The following ZNF438 variants were observed in gnomAD, a reference collection of about 807,000 sequenced individuals.
ZNF438 encodes the protein zinc finger protein 438.
ZNF438 carries 25 observed loss-of-function variants against 38.0 expected under a neutral mutation model. The observed-to-expected ratio is 0.66, with a 90% CI of 0.48 to 0.92. ZNF438 has a LOEUF of 0.92. Ranked by LOEUF, ZNF438 falls within the 40% of genes least tolerant of loss-of-function variation. ZNF438 has a pLI of 0.00. For missense variants in ZNF438, 1,007 were observed against 999.6 expected (o/e 1.01, Z -0.10); for synonymous variants, 372 against 364.1 (o/e 1.02, Z -0.25).
At chr10:30,975,639 T>C (rs889526572) in intron 1 of ZNF438, among the ~76,000 whole-genome samples, 2 of 152,182 alleles carry the variant, frequency 1.3e-5, no homozygotes, top group African/African-American at 4.8e-5. Flanking sequence ...TATTTCTACT[T>C]CTTTTCTCCT....
At chr10:30,953,211 A>G (rs970697801) in intron 1 of ZNF438, among the ~76,000 whole-genome samples, 1 of 148,284 alleles carries the variant, frequency 6.7e-6, no homozygotes, top group African/African-American at 2.5e-5. Flanking sequence ...ATGAGATCAC[A>G]TGGACACAGG....
At chr10:30,920,391 T>A (rs2044158627) in intron 2 of ZNF438, 1 of 152,206 alleles carries the variant, frequency 6.6e-6, no homozygotes, top group South Asian at 2.1e-4. Flanking sequence ...ATGAAATACC[T>A]TTGAGGTCTT....
chr10:30,966,107 G>T (rs1469739623), intron 1 of ZNF438, among the ~76,000 whole-genome samples: 1 of 152,090 alleles, frequency 6.6e-6, no homozygotes, highest in African/African-American at 2.4e-5. Context: ...CAAGGTGGGA[G>T]GATCACTTGA....
chr10:30,946,961 C>A (rs764381822), intron 1 of ZNF438, among the ~76,000 whole-genome samples: 2 of 152,150 alleles, frequency 1.3e-5, no homozygotes, highest in African/African-American at 4.8e-5. Flanking sequence ...AAATATTATA[C>A]CACGTCACAT....
At chr10:31,014,262 T>G (rs910811138) in intron 1 of ZNF438, among the ~76,000 whole-genome samples, 5 of 152,196 alleles carry the variant, frequency 3.3e-5, no homozygotes, top group Non-Finnish European at 7.3e-5. Context: ...GAAATTTAAC[T>G]GGGTGGCTTA....
rs1564679986 is a variant in ZNF438, at chr10:30,936,503, G to A, written c.-115+5072C>T. On this transcript the variant is annotated intron_variant, in intron 2 of 5. Transcript: ENST00000413025. Reference sequence around the variant, plus strand: ...AGCCTGGCCAAGATGGTGAAACCCCGTCTCTACTAAAAATACAAAAATTAG... The same window carrying A: ...AGCCTGGCCAAGATGGTGAAACCCCATCTCTACTAAAAATACAAAAATTAG... 5.9e-5 allele frequency among the ~76,000 whole-genome samples: 9 copies of A among 151,980 alleles called. No homozygotes were observed. In the South Asian group the frequency reaches 1.7e-3, roughly 28 times the overall value.
intron 2 of ZNF438, among the ~76,000 whole-genome samples, chr10:30,911,905 C>T (rs1438143390): frequency 1.4e-4 from 21 of 152,120 alleles, no homozygotes; most frequent in Admixed American, 1.4e-3. Flanking sequence ...TGGTGCCCCT[C>T]CTCCTTCCAA....
intron 1 of ZNF438, among the ~76,000 whole-genome samples, chr10:31,005,746 G>A (rs903432500): frequency 3.0e-4 from 45 of 152,184 alleles, no homozygotes; most frequent in Admixed American, 1.1e-3. Context: ...CATCATATAC[G>A]TTAAATATAT....
chr10:30,932,605 C>T (rs2045818640), intron 2 of ZNF438, among the ~76,000 whole-genome samples: 1 of 152,192 alleles, frequency 6.6e-6, no homozygotes, highest in South Asian at 2.1e-4. Flanking sequence ...GAATGCAGCA[C>T]TCTGCCTCAA....
chr10:30,968,781 G>A (rs1263878141), intron 1 of ZNF438, among the ~76,000 whole-genome samples: 1 of 151,994 alleles, frequency 6.6e-6, no homozygotes, highest in Non-Finnish European at 1.5e-5. Context: ...TATAGTGAAG[G>A]CATGGTAAAA....
At chr10:30,954,318 C>T (rs1298652938) in intron 1 of ZNF438, among the ~76,000 whole-genome samples, 2 of 152,140 alleles carry the variant, frequency 1.3e-5, no homozygotes, top group African/African-American at 4.8e-5. Flanking sequence ...AGAACCAGGA[C>T]TTGATCTTTT....
chr10:31,026,983 T>C (rs1243348347), intron 1 of ZNF438, among the ~76,000 whole-genome samples: 1 of 150,724 alleles, frequency 6.6e-6, no homozygotes, highest in East Asian at 2.0e-4. Flanking sequence ...TGAGCAAACT[T>C]TCACAAGGAC....
At chr10:30,886,468 C>T (rs2039966484) in intron 3 of ZNF438, among the ~76,000 whole-genome samples, 1 of 152,140 alleles carries the variant, frequency 6.6e-6, no homozygotes, top group Admixed American at 6.5e-5. Context: ...CTGATAAACC[C>T]ATCCTAAGTC....
chr10:30,945,082 T>C (rs1315304534), intron 1 of ZNF438, among the ~76,000 whole-genome samples: 1 of 152,034 alleles, frequency 6.6e-6, no homozygotes, highest in African/African-American at 2.4e-5. Context: ...GCCTACTTGT[T>C]CTAGCAACTG....
intron 1 of ZNF438, among the ~76,000 whole-genome samples, chr10:30,989,246 TG>T (rs1250953531): frequency 6.6e-6 from 1 of 152,206 alleles, no homozygotes; most frequent in African/African-American, 2.4e-5. Context: ...GTTCTCTCTC[TG>T]TTTCTCTGGA....
chr10:30,943,157 A>C (rs190609090), intron 1 of ZNF438, among the ~76,000 whole-genome samples: 1 of 152,306 alleles, frequency 6.6e-6, no homozygotes, highest in East Asian at 1.9e-4. Context: ...AAGAAATACA[A>C]GGGAGAGTGC....
intron 1 of ZNF438, among the ~76,000 whole-genome samples, chr10:31,015,789 T>C (rs988204725): frequency 2.6e-5 from 4 of 152,248 alleles, no homozygotes; most frequent in African/African-American, 7.2e-5. Flanking sequence ...TCTAAGATCA[T>C]GGCGCTGGCA....
chr10:30,848,658 A>G, exon 5 of ZNF438: 1 of 1,614,236 alleles, frequency 6.2e-7, no homozygotes, highest in Non-Finnish European at 8.5e-7. Flanking sequence ...AGATGGCCAA[A>G]ATAGACTCGG....
At chr10:30,886,042 G>A (rs2039908961) in intron 3 of ZNF438, among the ~76,000 whole-genome samples, 1 of 152,196 alleles carries the variant, frequency 6.6e-6, no homozygotes, top group African/African-American at 2.4e-5. Context: ...GCTTTCTCAT[G>A]ATTACTGATA....
Sources: gnomAD v4.1 joint callset for allele counts (sites outside exome capture counted in the v4.1 genomes callset) on GRCh38, gnomAD v4.1.1 for gene constraint, MANE v1.5 for transcripts, NCBI Gene and HGNC (gene_info 2026-07-23, HGNC 2026-07-21) for gene names.